Variants in SMG6 observed in about 807,000 individuals in gnomAD.
SMG6 encodes telomerase-binding protein EST1A.
Under a neutral mutation model 142.2 loss-of-function variants are expected in SMG6, and 66 were observed. The observed-to-expected ratio is 0.46, with a 90% CI of 0.38 to 0.57. The LOEUF is 0.57. Among genes scored for constraint, SMG6 ranks in the 20% least tolerant of loss-of-function variants. The pLI is 0.00. For missense variants in SMG6, 1,793 were observed against 1,832.0 expected, an observed-to-expected ratio of 0.98 and a Z score of 0.39; for synonymous variants, 779 against 702.4, an observed-to-expected ratio of 1.11 and a Z score of -1.72.
intron 15 of SMG6, among the ~76,000 whole-genome samples, chr17:2,074,492 A>G (rs560745977): frequency 2.2e-4 from 34 of 152,290 alleles, no homozygotes; most frequent in African/African-American, 8.2e-4. Flanking sequence ...CAAATGAAAA[A>G]CTGCTGCTTA....
At chr17:2,277,173 T>TTTA (rs1491331110) in intron 8 of SMG6, among the ~76,000 whole-genome samples, 7 of 68,672 alleles carry the variant, frequency 1.0e-4, no homozygotes, top group East Asian at 5.4e-4. Flanking sequence ...TTATTTTTTA[T>TTTA]TTTTTTTTTT....
At chr17:2,096,573 T>C (rs898445573) in intron 13 of SMG6, among the ~76,000 whole-genome samples, 3 of 152,082 alleles carry the variant, frequency 2.0e-5, no homozygotes, top group Non-Finnish European at 4.4e-5. Context: ...CTCAAACTCA[T>C]AGCTTTAAGT....
intron 10 of SMG6, among the ~76,000 whole-genome samples, chr17:2,201,942 T>G (rs2044718403): frequency 6.6e-6 from 1 of 151,966 alleles, no homozygotes; most frequent in African/African-American, 2.4e-5. Flanking sequence ...GAGAATCGCT[T>G]GAACCCAGAA....
At chr17:2,205,223 C>G (rs2072642963) in intron 10 of SMG6, among the ~76,000 whole-genome samples, 2 of 152,000 alleles carry the variant, frequency 1.3e-5, no homozygotes, top group South Asian at 4.2e-4. Context: ...TGCTCACCAC[C>G]ATGTCTGGCT....
intron 13 of SMG6, chr17:2,101,717 T>C (rs1448529927): frequency 1.3e-5 from 2 of 152,112 alleles, no homozygotes; most frequent in African/African-American, 4.8e-5. Flanking sequence ...CTGTGCCAAA[T>C]GCTTTACACG....
intron 13 of SMG6, among the ~76,000 whole-genome samples, chr17:2,131,900 C>T (rs909955809): frequency 5.3e-5 from 8 of 152,130 alleles, no homozygotes; most frequent in South Asian, 2.1e-4. Context: ...AGTAAAACCC[C>T]GTTTCTACTA....
intron 13 of SMG6, chr17:2,127,379 T>C (rs941618860): frequency 4.8e-6 from 3 of 627,508 alleles, no homozygotes; most frequent in Non-Finnish European, 9.1e-6. Context: ...TAAGAAATGG[T>C]TGAAATGGTA....
At chr17:2,246,977 C>G (rs1296687528) in intron 8 of SMG6, among the ~76,000 whole-genome samples, 1 of 151,990 alleles carries the variant, frequency 6.6e-6, no homozygotes, top group Non-Finnish European at 1.5e-5. Context: ...AACACAAAAA[C>G]ACTAGAATAC....
In SMG6 at chr17:2,128,023, C is replaced by T. The variant is rs986523651; in HGVS notation, c.3358-42122G>A. The T allele has an allele frequency of 1.5e-4, 68 of 445,992 alleles. 1 individual carries two copies. The highest frequency in any genetic ancestry group is 1.3e-3 in the African/African-American group (64 of 49,548). The allele number at this position is 445,992 out of a possible 1,614,324, so 27.6% of individuals were successfully genotyped here. On this transcript the variant is annotated intron_variant, in intron 13 of 18. Transcript: ENST00000263073. ...AGTGTCAAAGGAGAGCTTCCTACTC[C>T]CAGAAGAGCTGAAATCTCTCCTGTG... is the stretch of plus-strand genomic sequence containing the variant.
Position 2,282,835 on chromosome 17 carries a change from G to A in SMG6, c.2473C>T (p.His825Tyr). The A allele has an allele frequency of 6.2e-7, 1 of 1,614,130 alleles. No homozygotes were observed. The highest frequency in any genetic ancestry group is 1.3e-5 in the African/African-American group (1 of 75,026). Residue 825 changes from histidine to tyrosine, a missense_variant, in exon 8 of 19, where the codon CAT becomes TAT. By Grantham distance (83) the His-to-Tyr change is moderately conservative. Around this residue, in one of 3 missense-constraint regions of SMG6, gnomAD observed 1,597 missense variants for 1,584.6 expected, o/e 1.01. Transcript: ENST00000263073. ...RKAEQMEKKQ[H>Y]EEFDLSPDQW... Reference sequence around the variant, plus strand: ...TCAGGGCTCAGGTCAAATTCCTCATGTTGCTTCTTTTCCATCTGTTCTGCC... The same window carrying A: ...TCAGGGCTCAGGTCAAATTCCTCATATTGCTTCTTTTCCATCTGTTCTGCC...
At chr17:2,168,816 T>A (rs2071417922) in intron 13 of SMG6, among the ~76,000 whole-genome samples, 1 of 152,038 alleles carries the variant, frequency 6.6e-6, no homozygotes, top group African/African-American at 2.4e-5. Flanking sequence ...TGGCACGATC[T>A]TGGCTCACTG....
At chr17:2,098,426 T>C (rs1395706914) in intron 13 of SMG6, among the ~76,000 whole-genome samples, 1 of 152,220 alleles carries the variant, frequency 6.6e-6, no homozygotes, top group African/African-American at 2.4e-5. Flanking sequence ...TCCCCATGCC[T>C]GAAGAAATCC....
In SMG6 at chr17:2,291,060, G is replaced by A. The variant is rs541206720; in HGVS notation, c.2337+1492C>T. Among the ~76,000 whole-genome samples the A allele has an allele frequency of 7.9e-5, 12 of 152,230 alleles. No homozygotes were observed. In the South Asian group the frequency reaches 1.5e-3, roughly 18 times the overall value. The stretch of plus-strand genomic sequence containing the variant: ...AATGTTCTGACACATGGCCAGGTGC[G>A]GTGGCTCACGCCTGTAATCCCAGCA... On this transcript the variant is annotated intron_variant, in intron 6 of 18. Coordinates refer to ENST00000263073, the MANE Select transcript of SMG6 (RefSeq NM_017575.5).
chr17:2,104,503 A>G (rs2069100303), intron 13 of SMG6, among the ~76,000 whole-genome samples: 1 of 152,116 alleles, frequency 6.6e-6, no homozygotes, highest in Non-Finnish European at 1.5e-5. Context: ...TAGAAAGAAA[A>G]ACCCATGAGC....
At chr17:2,266,673 AACCTC>A (rs1196516046) in intron 8 of SMG6, among the ~76,000 whole-genome samples, 6 of 152,224 alleles carry the variant, frequency 3.9e-5, no homozygotes. Context: ...GAAAGAAACC[AACCTC>A]ACATATTGAA....
At chr17:2,242,789 G>A (rs1027788111) in intron 9 of SMG6, among the ~76,000 whole-genome samples, 1 of 150,782 alleles carries the variant, frequency 6.6e-6, no homozygotes, top group Non-Finnish European at 1.5e-5. Flanking sequence ...CTACTCGGAT[G>A]TGTTATTTTT....
chr17:2,265,182 A>G (rs2074393954), intron 8 of SMG6, among the ~76,000 whole-genome samples: 1 of 152,216 alleles, frequency 6.6e-6, no homozygotes. Flanking sequence ...TCTAATGAGC[A>G]GAGCCAGGAA....
chr17:2,201,048 C>T (rs1257643777), intron 10 of SMG6, among the ~76,000 whole-genome samples: 2 of 152,148 alleles, frequency 1.3e-5, no homozygotes, highest in Non-Finnish European at 2.9e-5. Flanking sequence ...TTATCAGAAT[C>T]AAACATGTTT....
chr17:2,215,090 T>C (rs183868383), intron 10 of SMG6, among the ~76,000 whole-genome samples: 72 of 152,282 alleles, frequency 4.7e-4, no homozygotes, highest in African/African-American at 1.6e-3. Context: ...AAAACACAGC[T>C]CTGGTACAGT....
Sources: gnomAD v4.1 joint callset for allele counts (sites outside exome capture counted in the v4.1 genomes callset) on GRCh38, gnomAD v4.1.1 for gene constraint, gnomAD v4.1.1 regional missense constraint, MANE v1.5 for transcripts, NCBI Gene and HGNC (gene_info 2026-07-23, HGNC 2026-07-21) for gene names.